Variants in ASB8 observed in about 807,000 individuals in gnomAD.
ASB8 encodes ankyrin repeat and SOCS box containing 8, also known as ankyrin repeat and SOCS box protein 8.
In ASB8, 15 loss-of-function variants were observed where a neutral mutation model predicts 22.9. That is an observed-to-expected ratio of 0.66 (90% CI 0.44 to 1.01). The LOEUF (loss-of-function observed/expected upper bound fraction) is 1.01, where lower values mean the gene tolerates loss of function less well. Among genes scored for constraint, ASB8 ranks in the 50% least tolerant of loss-of-function variants. The pLI, the probability that ASB8 is intolerant of heterozygous loss-of-function variation, is 0.00. For synonymous variants in ASB8, 124 were observed against 140.8 expected (o/e 0.88, Z 0.84); for missense variants, 294 against 356.9 (o/e 0.82, Z 1.42).
Position 48,149,810 on chromosome 12 carries a change from C to T in ASB8, c.423G>A (p.Gly141=), listed in dbSNP as rs1463816104. ...TGTAATCCAGGGCATTGACAGAGGC[C>T]CCGCTCTCTAGGAGAGCCCGCACAC... is the stretch of plus-strand genomic sequence containing the variant. ...AECVRALLES[G]ASVNALDYNN... The change falls in exon 4 of 4, where the codon GGG becomes GGA. Residue 141 remains glycine, a synonymous_variant. Transcript: ENST00000317697. 1 of 1,613,944 alleles carries T rather than the reference C, an allele frequency of 6.2e-7. No homozygotes were observed. Among genetic ancestry groups the T allele is most frequent in the Admixed American group, 1.7e-5 (1 of 59,988 alleles).
intron 3 of ASB8, 179 bp from the exon 4 acceptor site, chr12:48,150,177 A>G (rs1450382129): frequency 1.4e-6 from 1 of 730,004 alleles, no homozygotes; most frequent in South Asian, 1.5e-5. Flanking sequence ...GGAGCTTAGG[A>G]GCAAAAAGGA....
In ASB8 at chr12:48,151,221, G is replaced by C; in HGVS notation, c.214C>G (p.Leu72Val). 6.2e-7 allele frequency: 1 copy of C among 1,613,386 alleles called. No individual in the cohort carries two copies. Among genetic ancestry groups the C allele is most frequent in the Non-Finnish European group, 8.5e-7 (1 of 1,179,316 alleles). The change falls in exon 3 of 4, where the codon CTT becomes GTT. Residue 72 changes from leucine (L) to valine (V), a missense_variant. By Grantham distance (32) the Leu-to-Val change is conservative. Transcript: ENST00000317697. ...MVSDADCVEL[L>V]LEKGAEVNAL... is the part of the protein sequence containing the mutation. ...ATTACCTCGGCTCCTTTTTCCAGAA[G>C]TAACTCCACACAGTCAGCATCTGAC...
chr12:48,156,567 G>C (rs1390218416), intron 1 of ASB8, among the ~76,000 whole-genome samples: 1 of 152,144 alleles, frequency 6.6e-6, no homozygotes, highest in Non-Finnish European at 1.5e-5. Context: ...AGACCAGCCT[G>C]AGCAACATGG....
intron 3 of ASB8, 72 bp downstream of exon 3, chr12:48,151,129 G>A (rs775143543): frequency 2.5e-6 from 3 of 1,223,544 alleles, no homozygotes; most frequent in Non-Finnish European, 2.4e-6. Flanking sequence ...AGGAGTGATG[G>A]GGAGAAATTC....
intron 1 of ASB8, chr12:48,157,057 C>CCCCGCCCCCT (rs1350272545): frequency 6.6e-6 from 1 of 151,918 alleles, no homozygotes; most frequent in African/African-American, 2.4e-5. Flanking sequence ...GAGGCCTCGG[C>CCCCGCCCCCT]CCCGCCCCCT....
At chr12:48,157,019 G>C (rs1186772471) in intron 1 of ASB8, 1 of 146,976 alleles carries the variant, frequency 6.8e-6, no homozygotes, top group East Asian at 2.0e-4. Context: ...AACTGGAAAA[G>C]AGAAGACACA....
At position 48,149,305 on chromosome 12, in the gene ASB8, A is replaced by C; in HGVS notation, c.*61T>G. ...TGTTTTTCTGTTTTCTGTGACAAGG[A>C]GTACTGCAGGGACAACCTCACCCAG... On this transcript the variant is annotated 3_prime_UTR_variant, in exon 4 of 4. Transcript: ENST00000317697. The C allele has an allele frequency of 6.7e-7, 1 of 1,482,606 alleles. No individual in the cohort carries two copies. The highest frequency in any genetic ancestry group is 1.3e-5 in the South Asian group (1 of 79,040). The allele number at this position is 1,482,606 out of a possible 1,614,324, so 91.8% of individuals were successfully genotyped here.
rs1413605798 is a variant in ASB8, at chr12:48,149,432, G to GA, written c.800dup (p.Asp269ArgfsTer125). On this transcript the variant is annotated frameshift_variant, in exon 4 of 4. Transcript: ENST00000317697. LOFTEE classifies it high-confidence loss of function. ...GTGGAAGGCCCTTCACTGCATCGGG[G>GA]AGATACTGGAGTCCCAGGCTACGGC... The GA allele has an allele frequency of 1.2e-6, 2 of 1,613,890 alleles. No individual in the cohort carries two copies. Among genetic ancestry groups the GA allele is most frequent in the Admixed American group, 3.3e-5 (2 of 60,002 alleles).
At position 48,149,818 on chromosome 12, in the gene ASB8, C is replaced by G; in HGVS notation, c.415G>C (p.Glu139Gln). The G allele has an allele frequency of 6.2e-7, 1 of 1,614,138 alleles. No homozygotes were observed. Residue 139 changes from glutamate to glutamine, a missense_variant, in exon 4 of 4, where the codon GAG becomes CAG. Glu to Gln is a conservative substitution (Grantham distance 29, BLOSUM62 2). Transcript: ENST00000317697. ...NNAECVRALL[E>Q]SGASVNALDY... ...AGGGCATTGACAGAGGCCCCGCTCTCTAGGAGAGCCCGCACACACTCAGCA... is the reference window on the plus strand; with the variant it reads ...AGGGCATTGACAGAGGCCCCGCTCTGTAGGAGAGCCCGCACACACTCAGCA...
In ASB8 at chr12:48,147,881, G is replaced by A. The variant is rs926530151; in HGVS notation, c.*1485C>T. 6.6e-6 allele frequency: 1 copy of A among 152,000 alleles called. No individual in the cohort carries two copies. Among genetic ancestry groups the A allele is most frequent in the Non-Finnish European group, 1.5e-5 (1 of 67,992 alleles). 9.4% of individuals were successfully genotyped at this position (152,000 alleles called of 1,614,324 possible). A position where few individuals can be genotyped will look rare whatever the true frequency, so the allele number is the denominator to read the frequency against. ...GAAGAAGACATCTGTTTTCCAATTA[G>A]CTGTGTCAGTAGATTCCATTCATTG... On this transcript the variant is annotated 3_prime_UTR_variant, in exon 4 of 4. Transcript: ENST00000317697.
chr12:48,151,326 C>T (rs902037670), intron 2 of ASB8, 21 bp from the exon 3 acceptor site: 1 of 1,579,104 alleles, frequency 6.3e-7, no homozygotes, highest in East Asian at 2.2e-5. Flanking sequence ...AAGACAACTT[C>T]AGTCAGTGTG....
chr12:48,150,198 C>A, intron 3 of ASB8, 200 bp from the exon 4 acceptor site: 1 of 711,756 alleles, frequency 1.4e-6, no homozygotes, highest in South Asian at 1.5e-5. Context: ...AAAGAACTGT[C>A]CTCAAACAGT....
intron 1 of ASB8, chr12:48,156,986 G>GAAAAAAAAAAAA (rs745913404): frequency 2.6e-5 from 2 of 77,368 alleles, no homozygotes; most frequent in African/African-American, 9.5e-5. Context: ...CTGAGAAGCT[G>GAAAAAAAAAAAA]AAAAAAAAAA....
At chr12:48,152,839 T>TA (rs36106311) in intron 2 of ASB8, 3,125 of 145,092 alleles carry the variant, frequency 0.022, 78 homozygotes, top group African/African-American at 0.051. Flanking sequence ...TACAAAAAAT[T>TA]AAAAAAAAAA....
Position 48,149,803 on chromosome 12 carries a change from C to G in ASB8, c.430G>C (p.Val144Leu). 6.2e-7 allele frequency: 1 copy of G among 1,614,110 alleles called. No individual in the cohort carries two copies. Among genetic ancestry groups the G allele is most frequent in the Non-Finnish European group, 8.5e-7 (1 of 1,179,962 alleles). The change falls in exon 4 of 4, where the codon GTC becomes CTC. Residue 144 changes from valine to leucine, a missense_variant. Val to Leu is a conservative substitution (Grantham distance 32, BLOSUM62 1). Coordinates refer to ENST00000317697, the MANE Select transcript of ASB8 (RefSeq NM_024095.5). ...VRALLESGAS[V>L]NALDYNNDTP... ...TCATTGTTGTAATCCAGGGCATTGA[C>G]AGAGGCCCCGCTCTCTAGGAGAGCC...
At chr12:48,152,688 A>C (rs910146428) in intron 2 of ASB8, 1 of 152,146 alleles carries the variant, frequency 6.6e-6, no homozygotes, top group Non-Finnish European at 1.5e-5. Context: ...AGAAAGGCTC[A>C]CAAGGATTTA....
At position 48,154,462 on chromosome 12, in the gene ASB8, C is replaced by T. The variant is rs183794812; in HGVS notation, c.-33-933G>A. 4.7e-3 allele frequency among the ~76,000 whole-genome samples: 516 copies of T among 110,194 alleles called. 3 individuals carry two copies. The highest frequency in any genetic ancestry group is 0.018 in the African/African-American group (489 of 27,354). 72.3% of individuals were successfully genotyped at this position (110,194 alleles called of 152,430 possible). On this transcript the variant is annotated intron_variant, in intron 1 of 3. Coordinates refer to ENST00000317697, the MANE Select transcript of ASB8 (RefSeq NM_024095.5). Reference sequence around the variant, plus strand: ...GGCCACCGCACTCCAGCCTGGGCAACAGAGTGAGACTCTATCTCAAAAAAA... The same window carrying T: ...GGCCACCGCACTCCAGCCTGGGCAATAGAGTGAGACTCTATCTCAAAAAAA...
rs913655184 is a variant in ASB8, at chr12:48,153,322, C to T, written c.129+46G>A. On this transcript the variant is annotated intron_variant, in intron 2 of 3. Transcript: ENST00000317697. ...AATCTGTGATCCATGAGGATTTTGC[C>T]CACTTCATATCGCAAGGACTCTCCT... 45 of 1,603,326 alleles carry T rather than the reference C, an allele frequency of 2.8e-5. No homozygotes were observed. Among genetic ancestry groups the T allele is most frequent in the Middle Eastern group, 3.3e-4 (2 of 5,998 alleles).
rs188118021 is a variant in ASB8, at chr12:48,154,800, G to T, written c.-33-1271C>A. Among the ~76,000 whole-genome samples the T allele has an allele frequency of 6.0e-4, 91 of 152,104 alleles. 1 individual carries two copies. In the East Asian group the frequency reaches 0.016, roughly 26 times the overall value. On this transcript the variant is annotated intron_variant, in intron 1 of 3. Coordinates refer to ENST00000317697, the MANE Select transcript of ASB8 (RefSeq NM_024095.5). ...TAAAAATACAAAAAAAATTAGCTGGGCATGGTGGCGCACGCCTGTAATTCC... is the reference window on the plus strand; with the variant it reads ...TAAAAATACAAAAAAAATTAGCTGGTCATGGTGGCGCACGCCTGTAATTCC...
Sources: gnomAD v4.1 joint callset for allele counts (sites outside exome capture counted in the v4.1 genomes callset) on GRCh38, gnomAD v4.1.1 for gene constraint, MANE v1.5 for transcripts, NCBI Gene and HGNC (gene_info 2026-07-23, HGNC 2026-07-21) for gene names.